Variants in GRID2 observed in about 807,000 individuals in gnomAD.
GRID2 encodes the protein glutamate receptor ionotropic, delta-2.
A neutral mutation model predicts 114.8 loss-of-function variants in GRID2; 33 were observed. That is an observed-to-expected ratio of 0.29 (90% confidence interval 0.22 to 0.38). The LOEUF is 0.38. Among genes scored for constraint, GRID2 ranks in the 10% least tolerant of loss-of-function variants. The pLI, the probability that GRID2 is intolerant of heterozygous loss-of-function variation, is 1.00. For missense variants in GRID2, 1,184 were observed against 1,257.7 expected (o/e 0.94, Z 0.89); for synonymous variants, 505 against 449.9 (o/e 1.12, Z -1.55).
intron 2 of GRID2, among the ~76,000 whole-genome samples, chr4:92,662,259 T>C (rs1027753845): frequency 6.6e-6 from 1 of 151,000 alleles, no homozygotes; most frequent in Non-Finnish European, 1.5e-5. Context: ...TTGAATCTTA[T>C]ACATTGCTAT....
intron 8 of GRID2, among the ~76,000 whole-genome samples, chr4:93,355,402 G>T (rs1050109493): frequency 1.3e-5 from 2 of 152,042 alleles, no homozygotes; most frequent in African/African-American, 4.8e-5. Flanking sequence ...CTCCAGTGGG[G>T]CTGTCTGCTG....
intron 14 of GRID2, among the ~76,000 whole-genome samples, chr4:93,683,616 C>G (rs952535491): frequency 6.6e-6 from 1 of 152,054 alleles, no homozygotes; most frequent in African/African-American, 2.4e-5. Flanking sequence ...TGCCCTTTTC[C>G]TAACTACTGA....
In GRID2 at chr4:93,514,460, C is replaced by CACACACACACAA. The variant is rs1037610536; in HGVS notation, c.1998-755_1998-754insCACACACACAAA. On this transcript the variant is annotated intron_variant, in intron 12 of 15. Transcript: ENST00000282020. ...ACACACACACACACACACACACACACAATGCTAAAGCAAATATAGCAAACG... is the reference window on the plus strand; with the variant it reads ...ACACACACACACACACACACACACACACACACACACAAAATGCTAAAGCAAATATAGCAAACG... 1.1e-3 allele frequency among the ~76,000 whole-genome samples: 160 copies of CACACACACACAA among 149,912 alleles called. 1 individual carries two copies. Among genetic ancestry groups the CACACACACACAA allele is most frequent in the African/African-American group, 3.5e-3 (143 of 40,606 alleles).
At chr4:93,656,972 A>G (rs147299762) in intron 14 of GRID2, among the ~76,000 whole-genome samples, 1 of 150,736 alleles carries the variant, frequency 6.6e-6, no homozygotes, top group Admixed American at 6.6e-5. Flanking sequence ...TTGTTTTTTC[A>G]GGTAGTTTTA....
intron 8 of GRID2, among the ~76,000 whole-genome samples, chr4:93,379,013 G>A (rs1172049151): frequency 6.6e-6 from 1 of 151,952 alleles, no homozygotes; most frequent in African/African-American, 2.4e-5. Flanking sequence ...ATTACCATTG[G>A]CAAGACAAGA....
chr4:92,525,871 T>A (rs531354756), intron 1 of GRID2, among the ~76,000 whole-genome samples: 2 of 152,088 alleles, frequency 1.3e-5, no homozygotes, highest in East Asian at 3.9e-4. Flanking sequence ...TAGAGCAGTA[T>A]TCTATGCTGG....
chr4:93,620,817 T>C (rs1470081261), intron 13 of GRID2, among the ~76,000 whole-genome samples: 1 of 152,194 alleles, frequency 6.6e-6, no homozygotes, highest in African/African-American at 2.4e-5. Context: ...TTCAATTGGT[T>C]AGGTACTATT....
intron 1 of GRID2, among the ~76,000 whole-genome samples, chr4:92,578,856 A>T (rs1365333247): frequency 6.6e-6 from 1 of 152,156 alleles, no homozygotes; most frequent in Non-Finnish European, 1.5e-5. Flanking sequence ...TTACTTCATC[A>T]TTAGATCACA....
At chr4:93,644,087 C>A (rs544322997) in intron 14 of GRID2, among the ~76,000 whole-genome samples, 1 of 79,148 alleles carries the variant, frequency 1.3e-5, no homozygotes, top group Non-Finnish European at 2.4e-5. Flanking sequence ...CAGGTGCGTC[C>A]GTCACCCCTT....
intron 2 of GRID2, among the ~76,000 whole-genome samples, chr4:92,706,149 A>G (rs1403877405): frequency 6.6e-6 from 1 of 152,174 alleles, no homozygotes; most frequent in African/African-American, 2.4e-5. Flanking sequence ...ACGTTTTAAG[A>G]CAATAATAAA....
chr4:92,510,754 G>T (rs1724203375), intron 1 of GRID2, among the ~76,000 whole-genome samples: 1 of 151,338 alleles, frequency 6.6e-6, no homozygotes, highest in Admixed American at 6.6e-5. Context: ...AATTCATGAG[G>T]TAATGGATAC....
chr4:92,484,541 G>A (rs1722773247), intron 1 of GRID2, among the ~76,000 whole-genome samples: 1 of 152,032 alleles, frequency 6.6e-6, no homozygotes, highest in South Asian at 2.1e-4. Flanking sequence ...TGATGGTTTA[G>A]GAAGGTGGAG....
intron 1 of GRID2, among the ~76,000 whole-genome samples, chr4:92,438,187 CT>C (rs529443068): frequency 8.6e-5 from 13 of 150,988 alleles, no homozygotes; most frequent in East Asian, 3.9e-4. Flanking sequence ...AATATCTCAC[CT>C]TTTTTTTTCC....
At chr4:92,598,837 G>C (rs1729070499) in intron 2 of GRID2, among the ~76,000 whole-genome samples, 1 of 151,996 alleles carries the variant, frequency 6.6e-6, no homozygotes, top group Non-Finnish European at 1.5e-5. Flanking sequence ...GTGTCCCTCA[G>C]TAAGTTTTCA....
chr4:93,614,534 AAT>A (rs1405048277), intron 13 of GRID2, among the ~76,000 whole-genome samples: 2 of 152,030 alleles, frequency 1.3e-5, no homozygotes, highest in East Asian at 1.9e-4. Flanking sequence ...AAAAACATGA[AAT>A]AGTCATTTAT....
chr4:93,002,426 G>T (rs1452186183), intron 2 of GRID2, among the ~76,000 whole-genome samples: 1 of 151,142 alleles, frequency 6.6e-6, no homozygotes, highest in African/African-American at 2.4e-5. Flanking sequence ...CATAGTTGAT[G>T]GGCCGATGAC....
intron 1 of GRID2, among the ~76,000 whole-genome samples, chr4:92,513,938 C>T (rs1051436830): frequency 2.6e-5 from 4 of 151,826 alleles, no homozygotes; most frequent in African/African-American, 9.6e-5. Flanking sequence ...ATTTTGAAGA[C>T]GAATTGAACA....
chr4:92,958,717 C>G (rs117578938), intron 2 of GRID2, among the ~76,000 whole-genome samples: 1 of 152,000 alleles, frequency 6.6e-6, no homozygotes, highest in Non-Finnish European at 1.5e-5. Flanking sequence ...TCTGTTTCCA[C>G]CCTCAGAAAG....
chr4:92,971,477 T>G (rs1001715297), intron 2 of GRID2, among the ~76,000 whole-genome samples: 1 of 152,210 alleles, frequency 6.6e-6, no homozygotes, highest in East Asian at 1.9e-4. Context: ...TGTGTATATG[T>G]GTAATGATCA....
Sources: gnomAD v4.1 joint callset for allele counts (sites outside exome capture counted in the v4.1 genomes callset) on GRCh38, gnomAD v4.1.1 for gene constraint, MANE v1.5 for transcripts, NCBI Gene and HGNC (gene_info 2026-07-23, HGNC 2026-07-21) for gene names.